Variants in DLG2 observed in about 807,000 individuals in gnomAD.
DLG2 encodes disks large homolog 2.
Under a neutral mutation model 132.5 loss-of-function variants are expected in DLG2, and 45 were observed. The observed-to-expected ratio is 0.34, with a 90% CI of 0.27 to 0.44. The LOEUF (loss-of-function observed/expected upper bound fraction) is 0.44, where lower values mean the gene tolerates loss of function less well. Among genes scored for constraint, DLG2 ranks in the 20% least tolerant of loss-of-function variants. DLG2 has a pLI of 1.00. For missense variants in DLG2, 1,045 were observed against 1,196.9 expected (o/e 0.87, Z 1.87); for synonymous variants, 424 against 419.6 (o/e 1.01, Z -0.13).
At chr11:85,520,516 C>CACAA (rs983129745) in intron 3 of DLG2, among the ~76,000 whole-genome samples, 6 of 734 alleles carry the variant, frequency 8.2e-3, no homozygotes, top group Non-Finnish European at 0.037. Flanking sequence ...TATATGGAAC[C>CACAA]ACACACACAC....
chr11:84,789,961 C>T (rs1426728682), intron 6 of DLG2, among the ~76,000 whole-genome samples: 3 of 151,902 alleles, frequency 2.0e-5, no homozygotes, highest in Non-Finnish European at 2.9e-5. Flanking sequence ...GTATATGTAC[C>T]ACATTTTCTT....
In DLG2 at chr11:84,685,599, A is replaced by T. The variant is rs1432431601; in HGVS notation, c.358-150868T>A. On this transcript the variant is annotated intron_variant, in intron 6 of 27. Coordinates refer to ENST00000376104, the MANE Select transcript of DLG2 (RefSeq NM_001142699.3). ...TGAGCTAGAGATTTATTTATCTGCC[A>T]GAGGACTATTCCAAATATACGAGTC... is the stretch of plus-strand genomic sequence containing the variant. 2.6e-5 allele frequency among the ~76,000 whole-genome samples: 4 copies of T among 152,366 alleles called. 1 individual carries two copies. The South Asian group carries it at 8.3e-4, about 32-fold the overall frequency.
At chr11:85,087,225 A>C (rs2154174282) in intron 6 of DLG2, among the ~76,000 whole-genome samples, 1 of 152,360 alleles carries the variant, frequency 6.6e-6, no homozygotes, top group East Asian at 1.9e-4. Flanking sequence ...ATAAAGGTAC[A>C]ATTACAAATT....
intron 14 of DLG2, among the ~76,000 whole-genome samples, chr11:83,962,288 T>A (rs1565822428): frequency 6.6e-6 from 1 of 152,066 alleles, no homozygotes. Context: ...CACGTATATC[T>A]GAAAATACAT....
intron 15 of DLG2, 38 bp from the exon 16 acceptor site, chr11:83,874,526 T>C (rs548715390): frequency 6.9e-7 from 1 of 1,446,156 alleles, no homozygotes; most frequent in Admixed American, 2.2e-5. Flanking sequence ...ATCATTTATT[T>C]ATTTTTTATT....
intron 3 of DLG2, among the ~76,000 whole-genome samples, chr11:85,374,763 C>T (rs1056382679): frequency 6.6e-6 from 1 of 152,084 alleles, no homozygotes; most frequent in Non-Finnish European, 1.5e-5. Context: ...TCATTGCTGG[C>T]TCAAGAAAAT....
intron 11 of DLG2, among the ~76,000 whole-genome samples, chr11:84,058,240 A>G (rs1378960133): frequency 6.6e-6 from 1 of 152,136 alleles, no homozygotes; most frequent in African/African-American, 2.4e-5. Context: ...TTTGGTCAAA[A>G]TCATCTAAAA....
At chr11:84,364,983 T>G (rs2098673117) in intron 7 of DLG2, among the ~76,000 whole-genome samples, 1 of 152,126 alleles carries the variant, frequency 6.6e-6, no homozygotes, top group Non-Finnish European at 1.5e-5. Context: ...CTTTTTTGGT[T>G]GTGTCTCTGC....
chr11:84,008,463 G>A (rs1469749771), intron 11 of DLG2, among the ~76,000 whole-genome samples: 1 of 151,816 alleles, frequency 6.6e-6, no homozygotes, highest in African/African-American at 2.4e-5. Flanking sequence ...GGTAATTTTG[G>A]TATGTATCTC....
At chr11:84,794,144 T>C (rs2074244036) in intron 6 of DLG2, among the ~76,000 whole-genome samples, 1 of 152,190 alleles carries the variant, frequency 6.6e-6, no homozygotes, top group Admixed American at 6.5e-5. Flanking sequence ...TTATCACTGA[T>C]TACATAAACA....
chr11:83,660,249 T>G (rs2073912093), intron 18 of DLG2, among the ~76,000 whole-genome samples: 1 of 152,156 alleles, frequency 6.6e-6, no homozygotes, highest in African/African-American at 2.4e-5. Context: ...AACAATAACA[T>G]GTAATAACAT....
At chr11:84,910,013 T>C (rs1320570235) in intron 6 of DLG2, among the ~76,000 whole-genome samples, 1 of 152,146 alleles carries the variant, frequency 6.6e-6, no homozygotes, top group African/African-American at 2.4e-5. Flanking sequence ...AATCACCTAG[T>C]GCTGTAAAAA....
At chr11:85,295,658 C>T (rs969072436) in intron 3 of DLG2, among the ~76,000 whole-genome samples, 11 of 152,092 alleles carry the variant, frequency 7.2e-5, no homozygotes, top group African/African-American at 2.2e-4. Flanking sequence ...TAAATAATAT[C>T]AGTGCTAAAA....
intron 18 of DLG2, among the ~76,000 whole-genome samples, chr11:83,772,954 T>A (rs924099987): frequency 6.6e-6 from 1 of 152,204 alleles, no homozygotes; most frequent in African/African-American, 2.4e-5. Context: ...TTTAATATTA[T>A]TTTGATTTTT....
intron 7 of DLG2, among the ~76,000 whole-genome samples, chr11:84,404,893 C>T (rs968298900): frequency 6.6e-6 from 1 of 152,074 alleles, no homozygotes; most frequent in Non-Finnish European, 1.5e-5. Flanking sequence ...GGAAAAATAA[C>T]CTAATGTCAC....
chr11:85,582,543 G>A (rs906071404), intron 3 of DLG2, among the ~76,000 whole-genome samples: 1 of 150,964 alleles, frequency 6.6e-6, no homozygotes, highest in Non-Finnish European at 1.5e-5. Context: ...TAGTGTCCAG[G>A]CTGGGCACGG....
At chr11:84,942,975 G>A (rs969245862) in intron 6 of DLG2, among the ~76,000 whole-genome samples, 1 of 151,916 alleles carries the variant, frequency 6.6e-6, no homozygotes. Flanking sequence ...ATATAATGAC[G>A]TTCTTTGTCT....
chr11:84,320,960 CATTA>C (rs2098401098), intron 7 of DLG2, among the ~76,000 whole-genome samples: 1 of 152,008 alleles, frequency 6.6e-6, no homozygotes, highest in South Asian at 2.1e-4. Flanking sequence ...GAAATCAGAA[CATTA>C]ATTATGTAAT....
At chr11:83,733,251 A>C (rs184633670) in intron 18 of DLG2, among the ~76,000 whole-genome samples, 3,064 of 150,388 alleles carry the variant, frequency 0.02, 110 homozygotes, top group African/African-American at 0.071. Flanking sequence ...AAAAAAAAAA[A>C]AAAAAAAAAA....
Sources: gnomAD v4.1 joint callset for allele counts (sites outside exome capture counted in the v4.1 genomes callset) on GRCh38, gnomAD v4.1.1 for gene constraint, MANE v1.5 for transcripts, NCBI Gene and HGNC (gene_info 2026-07-23, HGNC 2026-07-21) for gene names.